Variants in MARCHF1 observed in about 807,000 individuals in gnomAD.
MARCHF1 encodes the protein membrane associated ring-CH-type finger 1, also known as E3 ubiquitin-protein ligase MARCHF1.
In MARCHF1, 40 loss-of-function variants were observed where a neutral mutation model predicts 54.2. The ratio of observed to expected loss-of-function variants is 0.74; its 90% CI spans 0.57 to 0.96. The LOEUF is 0.96. MARCHF1 is among the 40% of genes least tolerant of loss of function. MARCHF1 has a pLI of 0.00. For synonymous variants in MARCHF1, 236 were observed against 236.3 expected (o/e 1.00, Z 0.01); for missense variants, 586 against 656.5 (o/e 0.89, Z 1.17).
At chr4:164,320,534 T>C (rs781223938) in intron 1 of MARCHF1, among the ~76,000 whole-genome samples, 1 of 152,144 alleles carries the variant, frequency 6.6e-6, no homozygotes, top group Non-Finnish European at 1.5e-5. Flanking sequence ...AGAAAACACA[T>C]GCTTCCTCTC....
intron 5 of MARCHF1, among the ~76,000 whole-genome samples, chr4:163,667,606 G>A (rs1387165142): frequency 6.6e-6 from 1 of 151,836 alleles, no homozygotes; most frequent in Admixed American, 6.6e-5. Context: ...TTATACCACT[G>A]CATAATGTCC....
At chr4:164,157,927 C>T (rs1209865089) in intron 1 of MARCHF1, among the ~76,000 whole-genome samples, 2 of 152,140 alleles carry the variant, frequency 1.3e-5, no homozygotes, top group Admixed American at 6.6e-5. Flanking sequence ...ACTGCAACAA[C>T]AGCAACTCCA....
In MARCHF1 at chr4:163,868,391, G is replaced by A. The variant is rs1005027949; in HGVS notation, c.-38-14222C>T. Among the ~76,000 whole-genome samples, 192 of 151,944 alleles carry A rather than the reference G, an allele frequency of 1.3e-3. 1 individual carries two copies. Among genetic ancestry groups the A allele is most frequent in the African/African-American group, 4.6e-3 (189 of 41,510 alleles). On this transcript the variant is annotated intron_variant, in intron 3 of 9. Coordinates refer to ENST00000514618, the MANE Select transcript of MARCHF1 (RefSeq NM_001394959.1). Reference sequence around the variant, plus strand: ...CATTTGTGAGGATATGACAAAAACTGCAAATCTCTTTAAATACAAACAAAA... The same window carrying A: ...CATTTGTGAGGATATGACAAAAACTACAAATCTCTTTAAATACAAACAAAA...
At chr4:163,817,252 G>T (rs911247284) in intron 4 of MARCHF1, among the ~76,000 whole-genome samples, 1 of 151,362 alleles carries the variant, frequency 6.6e-6, no homozygotes, top group Admixed American at 6.6e-5. Flanking sequence ...TCTGTTTGCT[G>T]TCCTAGCCAC....
chr4:163,982,520 T>C (rs1340167925), intron 3 of MARCHF1, among the ~76,000 whole-genome samples: 2 of 152,220 alleles, frequency 1.3e-5, no homozygotes, highest in East Asian at 3.9e-4. Flanking sequence ...TGGCAAAATA[T>C]CATTCTGAGT....
chr4:164,148,142 A>AACACACACACAC (rs10573891), intron 1 of MARCHF1, among the ~76,000 whole-genome samples: 1 of 147,746 alleles, frequency 6.8e-6, no homozygotes, highest in African/African-American at 2.5e-5. Flanking sequence ...TTAAAAAAAT[A>AACACACACACAC]ACACACACAC....
chr4:164,191,620 C>A (rs774644786), intron 1 of MARCHF1, among the ~76,000 whole-genome samples: 1 of 152,056 alleles, frequency 6.6e-6, no homozygotes, highest in East Asian at 1.9e-4. Flanking sequence ...CAAGTTTGTA[C>A]AGGGAAATGT....
rs1744891236 is a variant in MARCHF1 at position 163,704,337 on chromosome 4, A to T, written c.112-3474T>A. On this transcript the variant is annotated intron_variant, in intron 4 of 9. Transcript: ENST00000514618. Reference sequence around the variant, plus strand: ...GGGTAATTATAACTTGGAATAGAAGAAAAGTCTTAAACAATGTGGTTTGTA... The same window carrying T: ...GGGTAATTATAACTTGGAATAGAAGTAAAGTCTTAAACAATGTGGTTTGTA... 2.6e-5 allele frequency among the ~76,000 whole-genome samples: 4 copies of T among 151,842 alleles called. No individual in the cohort carries two copies. The East Asian group carries it at 7.7e-4, about 29-fold the overall frequency.
chr4:164,196,695 A>AAG (rs902206159), intron 1 of MARCHF1, among the ~76,000 whole-genome samples: 12 of 152,180 alleles, frequency 7.9e-5, no homozygotes, highest in African/African-American at 2.9e-4. Context: ...AAAAAATAAA[A>AAG]AGAGAGAGAG....
intron 2 of MARCHF1, among the ~76,000 whole-genome samples, chr4:164,050,267 A>G (rs1295180590): frequency 8.7e-6 from 1 of 115,384 alleles, no homozygotes; most frequent in African/African-American, 3.6e-5. Context: ...GGAGCGAGAC[A>G]CTGTCTCCAA....
At chr4:164,200,635 A>G (rs1234669883) in intron 1 of MARCHF1, among the ~76,000 whole-genome samples, 2 of 152,238 alleles carry the variant, frequency 1.3e-5, no homozygotes, top group Non-Finnish European at 2.9e-5. Flanking sequence ...TTATTCTTCA[A>G]ATATTGTATA....
chr4:163,730,641 A>G (rs1265387511), intron 4 of MARCHF1, among the ~76,000 whole-genome samples: 1 of 152,186 alleles, frequency 6.6e-6, no homozygotes, highest in Admixed American at 6.5e-5. Flanking sequence ...ATATGTATAC[A>G]TGTGCCATGT....
chr4:164,200,235 CTATTA>C (rs1181306599), intron 1 of MARCHF1, among the ~76,000 whole-genome samples: 3 of 151,938 alleles, frequency 2.0e-5, no homozygotes, highest in African/African-American at 4.8e-5. Context: ...TTCCTAGTGT[CTATTA>C]TATTATTTAC....
At chr4:164,361,036 G>A (rs995068553) in intron 1 of MARCHF1, among the ~76,000 whole-genome samples, 1 of 151,730 alleles carries the variant, frequency 6.6e-6, no homozygotes, top group East Asian at 2.0e-4. Context: ...AGCACTTGAT[G>A]GTCTAGGGTC....
intron 1 of MARCHF1, among the ~76,000 whole-genome samples, chr4:164,326,709 G>A (rs937642780): frequency 1.3e-5 from 2 of 152,130 alleles, no homozygotes; most frequent in Non-Finnish European, 2.9e-5. Context: ...TTAGCAATAA[G>A]ATAACTAAAA....
intron 4 of MARCHF1, among the ~76,000 whole-genome samples, chr4:163,752,810 T>G (rs1208756017): frequency 1.3e-5 from 2 of 152,214 alleles, no homozygotes; most frequent in Non-Finnish European, 2.9e-5. Context: ...ATAGCTGTCA[T>G]CCTATTCCCA....
intron 1 of MARCHF1, among the ~76,000 whole-genome samples, chr4:164,157,837 T>C (rs1412185808): frequency 1.3e-5 from 2 of 152,186 alleles, no homozygotes; most frequent in African/African-American, 4.8e-5. Flanking sequence ...TCTGAGGTAC[T>C]TGGAGTTATG....
chr4:163,676,540 A>G (rs1408105815), intron 5 of MARCHF1, among the ~76,000 whole-genome samples: 13 of 152,154 alleles, frequency 8.5e-5, no homozygotes, highest in Admixed American at 7.9e-4. Flanking sequence ...GGAGGCCAAG[A>G]GTTCAAGGCC....
intron 2 of MARCHF1, among the ~76,000 whole-genome samples, chr4:164,038,250 T>C (rs1198020413): frequency 6.6e-6 from 1 of 152,100 alleles, no homozygotes; most frequent in Non-Finnish European, 1.5e-5. Flanking sequence ...TCCCAGCACT[T>C]TGGGAGGCCG....
Sources: gnomAD v4.1 joint callset for allele counts (sites outside exome capture counted in the v4.1 genomes callset) on GRCh38, gnomAD v4.1.1 for gene constraint, MANE v1.5 for transcripts, NCBI Gene and HGNC (gene_info 2026-07-23, HGNC 2026-07-21) for gene names.